SLC2A13: variants seen among roughly 807,000 people sequenced by gnomAD.
SLC2A13 encodes proton myo-inositol cotransporter.
In SLC2A13, 32 loss-of-function variants were observed where a neutral mutation model predicts 64.4. The observed-to-expected ratio is 0.50, with a 90% CI of 0.37 to 0.67. The LOEUF (loss-of-function observed/expected upper bound fraction) is 0.67, where lower values mean the gene tolerates loss of function less well. SLC2A13 is among the 30% of genes least tolerant of loss of function. SLC2A13 has a pLI of 0.00. For missense variants in SLC2A13, 743 were observed against 829.2 expected, an observed-to-expected ratio of 0.90 and a Z score of 1.28; for synonymous variants, 338 against 327.1, an observed-to-expected ratio of 1.03 and a Z score of -0.36.
chr12:39,921,740 G>A (rs1945618393), intron 4 of SLC2A13, among the ~76,000 whole-genome samples: 1 of 152,074 alleles, frequency 6.6e-6, no homozygotes, highest in Non-Finnish European at 1.5e-5. Flanking sequence ...ACTTGGATGT[G>A]TATTTTAAAC....
intron 4 of SLC2A13, among the ~76,000 whole-genome samples, chr12:39,893,042 CATT>C (rs901405753): frequency 2.6e-5 from 4 of 152,060 alleles, no homozygotes; most frequent in African/African-American, 9.7e-5. Context: ...GATATTTTCA[CATT>C]ATTAAGAAGG....
intron 4 of SLC2A13, among the ~76,000 whole-genome samples, chr12:39,943,720 C>G (rs542016572): frequency 3.2e-4 from 48 of 152,274 alleles, no homozygotes; most frequent in Admixed American, 2.7e-3. Flanking sequence ...TGAGCTAGAC[C>G]ACTTGGCTCC....
At chr12:40,078,620 AT>A (rs1938274037) in intron 1 of SLC2A13, among the ~76,000 whole-genome samples, 1 of 152,028 alleles carries the variant, frequency 6.6e-6, no homozygotes, top group African/African-American at 2.4e-5. Context: ...TGTCTGCCAT[AT>A]TTTGGTATTA....
chr12:40,058,087 A>AGATT (rs546629291), intron 1 of SLC2A13, among the ~76,000 whole-genome samples: 7,978 of 138,850 alleles, frequency 0.057, 370 homozygotes, highest in Admixed American at 0.11. Flanking sequence ...ATAGATAGAT[A>AGATT]GATTGATTTA....
At chr12:40,035,286 T>C (rs1345985772) in intron 2 of SLC2A13, among the ~76,000 whole-genome samples, 3 of 152,212 alleles carry the variant, frequency 2.0e-5, no homozygotes, top group African/African-American at 7.2e-5. Context: ...ATTTATGTAA[T>C]ATGTTTCTAC....
At chr12:39,850,767 T>C (rs1943444801) in intron 6 of SLC2A13, among the ~76,000 whole-genome samples, 1 of 152,202 alleles carries the variant, frequency 6.6e-6, no homozygotes, top group Non-Finnish European at 1.5e-5. Flanking sequence ...AGTGAATAAC[T>C]ATATTCAATT....
In SLC2A13 at chr12:39,982,495, C is replaced by T. The variant is rs533752660; in HGVS notation, c.926-31130G>A. Reference sequence around the variant, plus strand: ...TCAGCAAAGTCTCAGGATACAAAATCAAAGTACAAAAATCACAAGCATTCT... The same window carrying T: ...TCAGCAAAGTCTCAGGATACAAAATTAAAGTACAAAAATCACAAGCATTCT... On this transcript the variant is annotated intron_variant, in intron 3 of 9. Coordinates refer to ENST00000280871, the MANE Select transcript of SLC2A13 (RefSeq NM_052885.4). Among the ~76,000 whole-genome samples, 20 of 151,706 alleles carry T rather than the reference C, an allele frequency of 1.3e-4. 1 individual carries two copies. In the South Asian group the frequency reaches 3.6e-3, roughly 27 times the overall value.
At chr12:39,986,323 C>T (rs1374316310) in intron 3 of SLC2A13, among the ~76,000 whole-genome samples, 1 of 152,032 alleles carries the variant, frequency 6.6e-6, no homozygotes, top group African/African-American at 2.4e-5. Flanking sequence ...TACACATATT[C>T]TGGAGATACT....
At chr12:40,039,894 A>C (rs1280179024) in intron 2 of SLC2A13, among the ~76,000 whole-genome samples, 1 of 152,220 alleles carries the variant, frequency 6.6e-6, no homozygotes. Flanking sequence ...CAAATGTATA[A>C]TGGCATGTAT....
intron 6 of SLC2A13, among the ~76,000 whole-genome samples, chr12:39,843,302 G>C (rs1943223266): frequency 1.3e-5 from 2 of 151,976 alleles, no homozygotes. Flanking sequence ...ATTGTTAATT[G>C]AAGAATTTTA....
chr12:40,074,372 G>A (rs1938084877), intron 1 of SLC2A13, among the ~76,000 whole-genome samples: 1 of 151,926 alleles, frequency 6.6e-6, no homozygotes. Context: ...TTAGTATGTT[G>A]CCCAGGATGG....
rs567293173 is a variant in SLC2A13 at position 39,797,523 on chromosome 12, C to G, written c.1445+32580G>C. 9.2e-5 allele frequency among the ~76,000 whole-genome samples: 14 copies of G among 152,276 alleles called. No homozygotes were observed. In the East Asian group the frequency reaches 2.7e-3, roughly 29 times the overall value. ...ATGAGGAGCTAATCCAATAACCCAT[C>G]TCTTGTAAAGTAGCTAAATATTTTA... On this transcript the variant is annotated intron_variant, in intron 7 of 9. Transcript: ENST00000280871.
chr12:39,894,974 G>A (rs1944703332), intron 4 of SLC2A13, among the ~76,000 whole-genome samples: 1 of 152,182 alleles, frequency 6.6e-6, no homozygotes, highest in African/African-American at 2.4e-5. Context: ...TGCTTAAGAA[G>A]CATCATGGAC....
chr12:39,790,052 A>G (rs1036647075), intron 7 of SLC2A13, among the ~76,000 whole-genome samples: 6 of 151,926 alleles, frequency 3.9e-5, no homozygotes, highest in Non-Finnish European at 8.8e-5. Context: ...ATTTAACCCA[A>G]TATATCCTAA....
In SLC2A13 at chr12:39,773,372, C is replaced by T. The variant is rs11173524; in HGVS notation, c.1446-8514G>A. Among the ~76,000 whole-genome samples, 1,293 of 152,258 alleles carry T rather than the reference C, an allele frequency of 8.5e-3. 19 individuals carry two copies. The highest frequency in any genetic ancestry group is 0.03 in the African/African-American group (1,233 of 41,544). On this transcript the variant is annotated intron_variant, in intron 7 of 9. Transcript: ENST00000280871. ...CTGATATACAGACCAAATAAATAAT[C>T]GGTTCCCTGTTCCAATCATGGAATA...
intron 3 of SLC2A13, among the ~76,000 whole-genome samples, chr12:39,951,938 CAATT>C (rs1180348943): frequency 1.3e-5 from 2 of 151,950 alleles, no homozygotes; most frequent in Admixed American, 6.6e-5. Flanking sequence ...TAAAGAAAAA[CAATT>C]AATACCTATT....
At chr12:39,847,175 C>T (rs909128601) in intron 6 of SLC2A13, among the ~76,000 whole-genome samples, 1 of 152,062 alleles carries the variant, frequency 6.6e-6, no homozygotes, top group Non-Finnish European at 1.5e-5. Flanking sequence ...CTATTTGGTC[C>T]ATTGATTTGT....
chr12:39,847,184 G>C (rs751358339), intron 6 of SLC2A13, among the ~76,000 whole-genome samples: 1 of 152,126 alleles, frequency 6.6e-6, no homozygotes, highest in Non-Finnish European at 1.5e-5. Flanking sequence ...CCATTGATTT[G>C]TACTTCCTGC....
At chr12:39,917,653 G>A (rs1401769401) in intron 4 of SLC2A13, among the ~76,000 whole-genome samples, 1 of 151,966 alleles carries the variant, frequency 6.6e-6, no homozygotes, top group Admixed American at 6.6e-5. Flanking sequence ...CCTGCCCTGG[G>A]ACTGGGATTT....
Sources: gnomAD v4.1 joint callset for allele counts (sites outside exome capture counted in the v4.1 genomes callset) on GRCh38, gnomAD v4.1.1 for gene constraint, MANE v1.5 for transcripts, NCBI Gene and HGNC (gene_info 2026-07-23, HGNC 2026-07-21) for gene names.